The following ADD2 variants were observed in gnomAD, a reference collection of about 807,000 sequenced individuals.
The protein encoded by ADD2 is beta-adducin.
A neutral mutation model predicts 83.0 loss-of-function variants in ADD2; 23 were observed. That is an observed-to-expected ratio of 0.28 (90% CI 0.20 to 0.39). The LOEUF is 0.39. Ranked by LOEUF, ADD2 falls within the 10% of genes least tolerant of loss-of-function variation. The pLI is 1.00. For synonymous variants in ADD2, 375 were observed against 375.4 expected (o/e 1.00, Z 0.01); for missense variants, 758 against 944.9 (o/e 0.80, Z 2.59).
chr2:70,706,084 C>T lies in ADD2; in HGVS notation c.183+142G>A. On this transcript the variant is annotated intron_variant, in intron 3 of 15. Coordinates refer to ENST00000264436, the MANE Select transcript of ADD2 (RefSeq NM_001617.4). The surrounding 1 kb of genome is among the most constrained non-coding windows in gnomAD (Gnocchi z 5.0). ...GGGAGAGTGTCAAGGCCCCAGGTGA[C>T]CAGATCCGTCTTGCTCAGTGGGCTT... The T allele has an allele frequency of 1.2e-6, 1 of 817,928 alleles. No individual in the cohort carries two copies. The allele number at this position is 817,928 out of a possible 1,614,324, so 50.7% of individuals were successfully genotyped here.
chr2:70,714,718 G>T lies in ADD2; in HGVS notation c.-153-1534C>A, dbSNP rs115028207. On this transcript the variant is annotated intron_variant, in intron 1 of 15. Coordinates refer to ENST00000264436, the MANE Select transcript of ADD2 (RefSeq NM_001617.4). ...GGCCTCCCTTCCAGGGCTGGCCTCA[G>T]GGTGGGGTTTGCTGATGTATCTCCA... Among the ~76,000 whole-genome samples the T allele has an allele frequency of 4.6e-3, 700 of 152,328 alleles. 4 individuals are homozygous for T. Among genetic ancestry groups the T allele is most frequent in the African/African-American group, 0.016 (651 of 41,572 alleles).
At chr2:70,753,978 G>A (rs1157396254) in intron 1 of ADD2, among the ~76,000 whole-genome samples, 1 of 152,126 alleles carries the variant, frequency 6.6e-6, no homozygotes, top group African/African-American at 2.4e-5. Flanking sequence ...AGACAAGGGC[G>A]TCATCACAGA....
intron 9 of ADD2, among the ~76,000 whole-genome samples, chr2:70,686,710 G>A (rs187586172): frequency 3.7e-4 from 57 of 152,282 alleles, no homozygotes; most frequent in African/African-American, 1.3e-3. Flanking sequence ...ACCAGTCAGT[G>A]GTCAGAGCTT....
At chr2:70,757,750 G>A (rs1553384107) in intron 1 of ADD2, among the ~76,000 whole-genome samples, 1 of 152,034 alleles carries the variant, frequency 6.6e-6, no homozygotes. Context: ...TATTCTTATG[G>A]AGACTCCATG....
In ADD2 at chr2:70,706,815, A is replaced by G. The variant is rs1309812386; in HGVS notation, c.-34-373T>C. On this transcript the variant is annotated intron_variant, in intron 2 of 15. Coordinates refer to ENST00000264436, the MANE Select transcript of ADD2 (RefSeq NM_001617.4). This position sits in a 1 kb window ranked among gnomAD's most constrained non-coding sequence, Gnocchi z 5.0. ...ATGCAGTGGTAAGCTACTTACTGGA[A>G]ATCAGTACTTCATCTAAAATGGAAA... 6.6e-6 allele frequency among the ~76,000 whole-genome samples: 1 copy of G among 152,192 alleles called. No individual in the cohort carries two copies. Among genetic ancestry groups the G allele is most frequent in the African/African-American group, 2.4e-5 (1 of 41,434 alleles).
At chr2:70,763,498 A>G (rs1553385416) in intron 1 of ADD2, among the ~76,000 whole-genome samples, 1 of 151,988 alleles carries the variant, frequency 6.6e-6, no homozygotes. Flanking sequence ...AAAATTTCTC[A>G]TGACCTCATG....
chr2:70,766,163 G>T (rs573582089), intron 1 of ADD2, among the ~76,000 whole-genome samples: 23 of 152,344 alleles, frequency 1.5e-4, no homozygotes, highest in African/African-American at 5.5e-4. Flanking sequence ...CAATTTGGTG[G>T]ACAAGAAAGA....
rs782581700 is a variant in ADD2 at position 70,746,449 on chromosome 2, G to A, written c.-154+21437C>T. Among the ~76,000 whole-genome samples, 70 of 152,324 alleles carry A rather than the reference G, an allele frequency of 4.6e-4. No individual in the cohort carries two copies. In the Middle Eastern group the frequency reaches 0.024, roughly 52 times the overall value. ...ACTTATGGAACATTCATGGGACCAG[G>A]CACTAACTCCAAGCATTAACCCTTT... On this transcript the variant is annotated intron_variant, in intron 1 of 15. Coordinates refer to ENST00000264436, the MANE Select transcript of ADD2 (RefSeq NM_001617.4).
At chr2:70,755,281 G>T (rs80018883) in intron 1 of ADD2, among the ~76,000 whole-genome samples, 175 of 152,254 alleles carry the variant, frequency 1.1e-3, no homozygotes, top group Non-Finnish European at 2.0e-3. Flanking sequence ...GCCTCAAATA[G>T]CATAATGAAA....
rs747187826 is a variant in ADD2, at chr2:70,696,367, G to A, written c.352C>T (p.Leu118Phe). 5 of 1,614,184 alleles carry A rather than the reference G, an allele frequency of 3.1e-6. No individual in the cohort carries two copies. The highest frequency in any genetic ancestry group is 4.2e-6 in the Non-Finnish European group (5 of 1,180,034). ...NVSMMTPIND[L>F]HTADSLNLAK... Reference sequence around the variant, plus strand: ...AGGTTCAGGGAGTCAGCTGTGTGGAGGTCATTGATAGGCGTCATCATGGAG... The same window carrying A: ...AGGTTCAGGGAGTCAGCTGTGTGGAAGTCATTGATAGGCGTCATCATGGAG... The change falls in exon 5 of 16, where the codon CTC becomes TTC. Residue 118 changes from leucine (L) to phenylalanine (F), a missense_variant. By Grantham distance (22) the Leu-to-Phe change is conservative. Around this residue, in one of 5 missense-constraint regions of ADD2, gnomAD observed 175 missense variants for 192.1 expected, o/e 0.91. Coordinates refer to ENST00000264436, the MANE Select transcript of ADD2 (RefSeq NM_001617.4).
rs78324245 is a variant in ADD2, at chr2:70,675,540, C to A, written c.1594-715G>T. The stretch of plus-strand genomic sequence containing the variant: ...TTCAGGAATTCTTTGACCCCTCTAG[C>A]CCAAGATAGGAACTAAAATTCAGAC... On this transcript the variant is annotated intron_variant, in intron 13 of 15. Coordinates refer to ENST00000264436, the MANE Select transcript of ADD2 (RefSeq NM_001617.4). 0.094 allele frequency: 93,014 copies of A among 985,384 alleles called. 4,491 individuals are homozygous for A. Among genetic ancestry groups the A allele is most frequent in the Middle Eastern group, 0.11 (204 of 1,914 alleles). The allele number at this position is 985,384 out of a possible 1,614,324, so 61.0% of individuals were successfully genotyped here.
intron 1 of ADD2, among the ~76,000 whole-genome samples, chr2:70,759,919 C>A (rs1197016406): frequency 6.6e-6 from 1 of 152,102 alleles, no homozygotes; most frequent in East Asian, 1.9e-4. Flanking sequence ...CCCCACTGAC[C>A]ATACCACAGC....
At chr2:70,734,510 G>A (rs1553379783) in intron 1 of ADD2, among the ~76,000 whole-genome samples, 1 of 152,174 alleles carries the variant, frequency 6.6e-6, no homozygotes, top group Non-Finnish European at 1.5e-5. Context: ...GGCACTTAGG[G>A]GAGTTAGGGG....
At position 70,661,214 on chromosome 2, in the gene ADD2, C is replaced by T. The variant is rs1011979297; in HGVS notation, c.*2211G>A. 3 of 152,194 alleles carry T rather than the reference C, an allele frequency of 2.0e-5. No homozygotes were observed. The highest frequency in any genetic ancestry group is 3.2e-3 in the Middle Eastern group (1 of 316). The allele number at this position is 152,194 out of a possible 1,614,324, so 9.4% of individuals were successfully genotyped here. ...GCACACAAAAGGCTGCATCAGAGGT[C>T]GTGTTCACCATTCTCACAACATCGT... On this transcript the variant is annotated 3_prime_UTR_variant, in exon 16 of 16. Transcript: ENST00000264436.
In ADD2 at chr2:70,722,311, GA is replaced by G. The variant is rs1294203073; in HGVS notation, c.-153-9128del. Among the ~76,000 whole-genome samples, 863 of 148,164 alleles carry G rather than the reference GA, an allele frequency of 5.8e-3. 4 individuals carry two copies. The highest frequency in any genetic ancestry group is 0.02 in the African/African-American group (798 of 40,626). ...AATTATTTTAAATATTACTGAGAAA[GA>G]AAAAAAAAACATTGCTAACTATCAT... is the stretch of plus-strand genomic sequence containing the variant. On this transcript the variant is annotated intron_variant, in intron 1 of 15. Transcript: ENST00000264436.
At chr2:70,672,044 T>C (rs915853316) in intron 15 of ADD2, among the ~76,000 whole-genome samples, 2 of 152,188 alleles carry the variant, frequency 1.3e-5, no homozygotes, top group African/African-American at 4.8e-5. Flanking sequence ...ATAACCGTAA[T>C]TGCATCTTAA....
Position 70,683,705 on chromosome 2 carries a change from G to C in ADD2, c.1011C>G (p.His337Gln). 1 of 1,614,184 alleles carries C rather than the reference G, an allele frequency of 6.2e-7. No homozygotes were observed. The highest frequency in any genetic ancestry group is 8.5e-7 in the Non-Finnish European group (1 of 1,180,006). ...ENLILLEQEK[H>Q]RPHEVGSVQW... ...GCACGGAGCCCACCTCATGGGGCCG[G>C]TGCTTCTCCTGCTCCAGGAGGATGA... Residue 337 changes from histidine to glutamine, a missense_variant, in exon 10 of 16, where the codon CAC becomes CAG. Physicochemically the swap from His to Gln is conservative, Grantham distance 24 (BLOSUM62 0). Around this residue, in one of 5 missense-constraint regions of ADD2, gnomAD observed 394 missense variants for 509.3 expected, o/e 0.77. Coordinates refer to ENST00000264436, the MANE Select transcript of ADD2 (RefSeq NM_001617.4).
chr2:70,739,430 G>A (rs536136615), intron 1 of ADD2, among the ~76,000 whole-genome samples: 186 of 152,324 alleles, frequency 1.2e-3, no homozygotes, highest in Admixed American at 2.9e-3. Context: ...ATACAGTGTT[G>A]GTGGAAGTGT....
chr2:70,745,262 G>A (rs1205789559), intron 1 of ADD2, among the ~76,000 whole-genome samples: 1 of 151,990 alleles, frequency 6.6e-6, no homozygotes. Context: ...CTCCAGCCTG[G>A]GCGACAGAGC....
Sources: allele counts gnomAD v4.1 joint callset (sites outside exome capture counted in the v4.1 genomes callset), GRCh38; gene constraint gnomAD v4.1.1; regional missense constraint gnomAD v4.1.1; non-coding constraint Gnocchi (gnomAD v3.1); transcripts MANE v1.5; gene names NCBI Gene and HGNC (gene_info 2026-07-23, HGNC 2026-07-21).